Variants in ATP10B observed in about 807,000 individuals in gnomAD.
The protein encoded by ATP10B is phospholipid-transporting ATPase VB.
Under a neutral mutation model 141.2 loss-of-function variants are expected in ATP10B, and 122 were observed. The ratio of observed to expected loss-of-function variants is 0.86; its 90% CI spans 0.75 to 1.00. The LOEUF (loss-of-function observed/expected upper bound fraction) is 1.00. Ranked by LOEUF, ATP10B falls within the 50% of genes least tolerant of loss-of-function variation. ATP10B has a pLI of 0.00. For missense variants in ATP10B, 1,876 were observed against 1,825.3 expected (o/e 1.03, Z -0.51); for synonymous variants, 685 against 692.0 (o/e 0.99, Z 0.16).
chr5:160,602,442 G>A (rs887350011), intron 21 of ATP10B, 135 bp downstream of exon 21: 5 of 1,159,094 alleles, frequency 4.3e-6, no homozygotes, highest in Non-Finnish European at 6.1e-6. Context: ...TTAAGGAACA[G>A]TTTCAAGATC....
chr5:160,883,951 A>T, the ATP10B span, among the ~76,000 whole-genome samples: 419 of 152,344 alleles, frequency 2.8e-3, 2 homozygotes, highest in Middle Eastern at 6.8e-3. Context: ...CTCTATCAGG[A>T]AATCTCAGCA....
At chr5:160,863,007 T>C in the ATP10B span, among the ~76,000 whole-genome samples, 1 of 152,004 alleles carries the variant, frequency 6.6e-6, no homozygotes, top group Non-Finnish European at 1.5e-5. Context: ...TAATTTAACA[T>C]AGACAGATAT....
chr5:160,828,755 C>T (rs1412724443), intron 1 of ATP10B, among the ~76,000 whole-genome samples: 1 of 151,800 alleles, frequency 6.6e-6, no homozygotes, highest in Non-Finnish European at 1.5e-5. Context: ...GACACATGCA[C>T]ACGTATGTTT....
At chr5:160,648,012 G>A (rs141613442) in intron 8 of ATP10B, among the ~76,000 whole-genome samples, 190 of 152,248 alleles carry the variant, frequency 1.2e-3, no homozygotes, top group Middle Eastern at 3.4e-3. Context: ...GCTGAGCTCC[G>A]CAATGTACGG....
chr5:160,783,643 G>A (rs1770922275), intron 2 of ATP10B, among the ~76,000 whole-genome samples: 1 of 150,116 alleles, frequency 6.7e-6, no homozygotes, highest in African/African-American at 2.5e-5. Context: ...TGATTGATGG[G>A]CATTTGGGTT....
chr5:160,792,184 T>TA (rs1771619881), intron 1 of ATP10B, among the ~76,000 whole-genome samples: 1 of 152,292 alleles, frequency 6.6e-6, no homozygotes, highest in African/African-American at 2.4e-5. Context: ...ATGTGGGCAT[T>TA]GCTACTGTAT....
chr5:160,858,777 T>C, the ATP10B span, among the ~76,000 whole-genome samples: 4 of 151,928 alleles, frequency 2.6e-5, no homozygotes, highest in Admixed American at 2.0e-4. Flanking sequence ...TATTGTATTA[T>C]ATATACACAA....
At chr5:160,665,645 G>A (rs1025239735) in intron 7 of ATP10B, among the ~76,000 whole-genome samples, 1 of 152,180 alleles carries the variant, frequency 6.6e-6, no homozygotes, top group Non-Finnish European at 1.5e-5. Flanking sequence ...AGTTTTTCAA[G>A]AACTGTCTCT....
chr5:160,615,974 G>A lies in ATP10B; in HGVS notation c.2527-10C>T, dbSNP rs772414381. ...CCTCTTCGCTTACAACCTATGGGATGGGAAAAGGCTCCTTAACAATCTTGG... is the reference window on the plus strand; with the variant it reads ...CCTCTTCGCTTACAACCTATGGGATAGGAAAAGGCTCCTTAACAATCTTGG... On this transcript the variant is annotated splice_polypyrimidine_tract_variant and intron_variant, in intron 16 of 25. Transcript: ENST00000327245. 2 of 1,608,548 alleles carry A rather than the reference G, an allele frequency of 1.2e-6. No homozygotes were observed. Among genetic ancestry groups the A allele is most frequent in the Non-Finnish European group, 1.7e-6 (2 of 1,175,718 alleles).
rs192586422 is a variant in ATP10B at position 160,564,675 on chromosome 5, A to C, written c.*778T>G. 6.6e-6 allele frequency: 1 copy of C among 152,302 alleles called. No individual in the cohort carries two copies. Among genetic ancestry groups the C allele is most frequent in the Non-Finnish European group, 1.5e-5 (1 of 68,026 alleles). 9.4% of individuals were successfully genotyped at this position (152,302 alleles called of 1,614,324 possible). A position where few individuals can be genotyped will look rare whatever the true frequency, so the allele number is the denominator to read the frequency against. On this transcript the variant is annotated 3_prime_UTR_variant, in exon 26 of 26. Coordinates refer to ENST00000327245, the MANE Select transcript of ATP10B (RefSeq NM_025153.3). ...AATAGATACAATAAATAGCTTTAAA[A>C]AAAGAGTGCCACCTATGTCCTCTTG...
chr5:160,687,677 T>G, intron 5 of ATP10B, 123 bp downstream of exon 5: 4 of 1,144,810 alleles, frequency 3.5e-6, no homozygotes, highest in Non-Finnish European at 4.9e-6. Flanking sequence ...AGGTGGGAGA[T>G]TCCCTTGAAC....
At chr5:160,733,621 T>TG (rs1477060318) in intron 2 of ATP10B, among the ~76,000 whole-genome samples, 20 of 151,882 alleles carry the variant, frequency 1.3e-4, no homozygotes, top group South Asian at 4.2e-4. Flanking sequence ...CACACATATA[T>TG]TACACATATA....
intron 1 of ATP10B, among the ~76,000 whole-genome samples, chr5:160,849,641 A>ACACACACACACACT (rs1355241101): frequency 2.2e-4 from 34 of 151,250 alleles, no homozygotes; most frequent in Middle Eastern, 6.8e-3. Context: ...ACACACACAC[A>ACACACACACACACT]CTCTTTTAAT....
chr5:160,617,658 C>T (rs1281212094), intron 16 of ATP10B, among the ~76,000 whole-genome samples: 1 of 152,176 alleles, frequency 6.6e-6, no homozygotes, highest in Non-Finnish European at 1.5e-5. Flanking sequence ...CATGGCAAAG[C>T]CACACTGATA....
the ATP10B span, among the ~76,000 whole-genome samples, chr5:160,870,166 G>A: frequency 6.6e-6 from 1 of 152,102 alleles, no homozygotes; most frequent in African/African-American, 2.4e-5. Flanking sequence ...CCTGTCCCAT[G>A]CAAGGGGAAA....
intron 3 of ATP10B, among the ~76,000 whole-genome samples, chr5:160,694,518 ACCTTTAGC>A (rs2127753978): frequency 6.6e-6 from 1 of 152,262 alleles, no homozygotes; most frequent in South Asian, 2.1e-4. Context: ...TATATGGGGG[ACCTTTAGC>A]CTAACAAGCT....
intron 2 of ATP10B, among the ~76,000 whole-genome samples, chr5:160,733,476 T>A (rs1462521638): frequency 6.6e-6 from 1 of 151,632 alleles, no homozygotes; most frequent in Non-Finnish European, 1.5e-5. Flanking sequence ...ACAAGCAGAA[T>A]AAATATAAAA....
At chr5:160,684,590 G>GAC (rs982927358) in intron 6 of ATP10B, among the ~76,000 whole-genome samples, 1 of 152,168 alleles carries the variant, frequency 6.6e-6, no homozygotes, top group South Asian at 2.1e-4. Flanking sequence ...TTAAATGTTA[G>GAC]ACACATTTGA....
intron 1 of ATP10B, among the ~76,000 whole-genome samples, chr5:160,820,490 T>C (rs926494314): frequency 2.6e-5 from 4 of 152,058 alleles, no homozygotes; most frequent in African/African-American, 9.7e-5. Flanking sequence ...CAATCCTACT[T>C]AAACTATTCT....
Sources: gnomAD v4.1 joint callset for allele counts (sites outside exome capture counted in the v4.1 genomes callset) on GRCh38, gnomAD v4.1.1 for gene constraint, MANE v1.5 for transcripts, NCBI Gene and HGNC (gene_info 2026-07-23, HGNC 2026-07-21) for gene names.